Variants in IGF2BP2 observed in about 807,000 individuals in gnomAD.
IGF2BP2 encodes the protein insulin like growth factor 2 mRNA binding protein 2, also known as insulin-like growth factor 2 mRNA-binding protein 2.
In IGF2BP2, 17 loss-of-function variants were observed where a neutral mutation model predicts 75.8. That is an observed-to-expected ratio of 0.22 (90% CI 0.15 to 0.34). The LOEUF (loss-of-function observed/expected upper bound fraction) is 0.34, where lower values mean the gene tolerates loss of function less well. Among genes scored for constraint, IGF2BP2 ranks in the 10% least tolerant of loss-of-function variants. The probability of loss-of-function intolerance (pLI) is 1.00; values close to 1 mark genes in which losing one functional copy is unlikely to be tolerated. For synonymous variants in IGF2BP2, 288 were observed against 295.6 expected, an observed-to-expected ratio of 0.97 and a Z score of 0.26; for missense variants, 516 against 772.4, an observed-to-expected ratio of 0.67 and a Z score of 3.93.
intron 2 of IGF2BP2, among the ~76,000 whole-genome samples, chr3:185,732,993 T>C (rs529805178): frequency 3.9e-4 from 59 of 152,330 alleles, no homozygotes; most frequent in Non-Finnish European, 7.3e-4. Flanking sequence ...TCTTATCCTG[T>C]TGTTCATCAC....
chr3:185,758,922 AT>A (rs1731989639), intron 2 of IGF2BP2, among the ~76,000 whole-genome samples: 1 of 152,198 alleles, frequency 6.6e-6, no homozygotes. Flanking sequence ...TTACCTTGAG[AT>A]AAACAGCTTG....
intron 6 of IGF2BP2, among the ~76,000 whole-genome samples, chr3:185,688,109 G>T (rs1035109495): frequency 6.6e-6 from 1 of 152,042 alleles, no homozygotes; most frequent in South Asian, 2.1e-4. Context: ...ATCCATATCA[G>T]TGTCTATTAT....
chr3:185,683,339 T>G (rs1720660843), intron 7 of IGF2BP2, among the ~76,000 whole-genome samples: 1 of 152,178 alleles, frequency 6.6e-6, no homozygotes, highest in African/African-American at 2.4e-5. Context: ...ATGAAAAGGT[T>G]CTGGAGATCT....
intron 2 of IGF2BP2, chr3:185,821,135 G>T (rs563795417): frequency 6.8e-7 from 1 of 1,477,834 alleles, no homozygotes; most frequent in African/African-American, 1.4e-5. Flanking sequence ...TTAGCCTGCA[G>T]TACAAGTAGC....
In IGF2BP2 at chr3:185,643,162, G is replaced by A. The variant is rs1335099211; in HGVS notation, c.*2369C>T. Among the ~76,000 whole-genome samples, 5 of 152,114 alleles carry A rather than the reference G, an allele frequency of 3.3e-5. No homozygotes were observed. Among genetic ancestry groups the A allele is most frequent in the Non-Finnish European group, 1.5e-5 (1 of 68,024 alleles). ...TATGACTCATTTTATTGCAAAGTTC[G>A]CTTTACTGTGGTGGTCTGGAACTGA... On this transcript the variant is annotated 3_prime_UTR_variant, in exon 16 of 16. Transcript: ENST00000382199.
intron 2 of IGF2BP2, among the ~76,000 whole-genome samples, 164 bp from the exon 3 acceptor site, chr3:185,698,511 T>C (rs1452938328): frequency 6.6e-6 from 1 of 152,196 alleles, no homozygotes; most frequent in African/African-American, 2.4e-5. Flanking sequence ...GTTTTTTTGT[T>C]GTTTTTTTTC....
intron 2 of IGF2BP2, among the ~76,000 whole-genome samples, chr3:185,809,415 C>T (rs1447428246): frequency 6.6e-6 from 1 of 152,172 alleles, no homozygotes; most frequent in African/African-American, 2.4e-5. Context: ...AAAGAACCTT[C>T]ATACCTAAAA....
intron 2 of IGF2BP2, among the ~76,000 whole-genome samples, chr3:185,775,685 T>C (rs1253027091): frequency 6.6e-6 from 1 of 152,144 alleles, no homozygotes; most frequent in Admixed American, 6.6e-5. Context: ...GTCTAAGATA[T>C]TTGAACTTTA....
chr3:185,725,136 T>C (rs557429605), intron 2 of IGF2BP2: 5 of 152,274 alleles, frequency 3.3e-5, no homozygotes, highest in East Asian at 3.9e-4. Context: ...GCCTCAGACA[T>C]AACAGGGCCA....
chr3:185,658,240 G>C, intron 11 of IGF2BP2, 101 bp downstream of exon 11: 5 of 1,137,294 alleles, frequency 4.4e-6, no homozygotes, highest in Non-Finnish European at 4.0e-6. Context: ...AGAACCACAG[G>C]AGACAAGATC....
chr3:185,805,931 C>A lies in IGF2BP2; in HGVS notation c.239+17222G>T, dbSNP rs190339280. 3.4e-3 allele frequency among the ~76,000 whole-genome samples: 520 copies of A among 151,952 alleles called. 1 individual carries two copies. The highest frequency in any genetic ancestry group is 0.012 in the African/African-American group (501 of 41,452). ...GATTACAGGTGCCCACCACCCCCCA[C>A]CCCCAGCTAATTTTTGTATTTTTAG... On this transcript the variant is annotated intron_variant, in intron 2 of 15. Transcript: ENST00000382199.
chr3:185,797,186 G>A (rs1737534877), intron 2 of IGF2BP2, among the ~76,000 whole-genome samples: 1 of 152,144 alleles, frequency 6.6e-6, no homozygotes, highest in South Asian at 2.1e-4. Flanking sequence ...CTTATAAAAA[G>A]CTTCCTATGC....
At chr3:185,763,588 CA>C (rs1174127869) in intron 2 of IGF2BP2, among the ~76,000 whole-genome samples, 2 of 152,062 alleles carry the variant, frequency 1.3e-5, no homozygotes, top group African/African-American at 4.8e-5. Context: ...GTGGAGGCTA[CA>C]AAAATGTAAA....
At chr3:185,763,154 T>TA (rs956155484) in intron 2 of IGF2BP2, among the ~76,000 whole-genome samples, 8 of 152,112 alleles carry the variant, frequency 5.3e-5, no homozygotes, top group Non-Finnish European at 1.0e-4. Context: ...GTATTTTTTT[T>TA]AAAAAAACTT....
chr3:185,780,503 A>G (rs1030401384), intron 2 of IGF2BP2, among the ~76,000 whole-genome samples: 1 of 152,248 alleles, frequency 6.6e-6, no homozygotes, highest in African/African-American at 2.4e-5. Context: ...ACACTGGCAC[A>G]GACCATTTTT....
intron 2 of IGF2BP2, among the ~76,000 whole-genome samples, chr3:185,739,512 T>G (rs1729260315): frequency 6.6e-6 from 1 of 152,194 alleles, no homozygotes; most frequent in South Asian, 2.1e-4. Context: ...CAGCCTGGCT[T>G]TCTCCTGGCT....
chr3:185,824,967 C>T lies in IGF2BP2; in HGVS notation c.-7G>A, dbSNP rs776315766. On this transcript the variant is annotated 5_prime_UTR_variant, in exon 1 of 16. Transcript: ENST00000382199. ...TGTAAAGCTTGTTCATCATCCGTCT[C>T]TTCCCCGAGAGCCCGCGGCTCCCCC... 1.3e-6 allele frequency: 2 copies of T among 1,505,924 alleles called. No homozygotes were observed. Among genetic ancestry groups the T allele is most frequent in the Admixed American group, 3.8e-5 (2 of 52,824 alleles). 93.3% of individuals were successfully genotyped at this position (1,505,924 alleles called of 1,614,324 possible). A position where few individuals can be genotyped will look rare whatever the true frequency, so the allele number is the denominator to read the frequency against.
At chr3:185,770,620 C>T (rs1733749123) in intron 2 of IGF2BP2, among the ~76,000 whole-genome samples, 1 of 152,158 alleles carries the variant, frequency 6.6e-6, no homozygotes, top group South Asian at 2.1e-4. Flanking sequence ...CCCATAGCAC[C>T]TGTGACACCC....
chr3:185,649,843 CTA>C (rs1165723578), intron 13 of IGF2BP2, among the ~76,000 whole-genome samples: 1 of 152,200 alleles, frequency 6.6e-6, no homozygotes, highest in Non-Finnish European at 1.5e-5. Flanking sequence ...GGATGCAACT[CTA>C]TGTCTTATTT....
Sources: gnomAD v4.1 joint callset for allele counts (sites outside exome capture counted in the v4.1 genomes callset) on GRCh38, gnomAD v4.1.1 for gene constraint, MANE v1.5 for transcripts, NCBI Gene and HGNC (gene_info 2026-07-23, HGNC 2026-07-21) for gene names.